Variants in COL25A1 observed in about 807,000 individuals in gnomAD.
COL25A1 encodes collagen alpha-1(XXV) chain.
A neutral mutation model predicts 128.4 loss-of-function variants in COL25A1; 103 were observed. That is an observed-to-expected ratio of 0.80 (90% CI 0.68 to 0.94). The LOEUF is 0.94. Among genes scored for constraint, COL25A1 ranks in the 40% least tolerant of loss-of-function variants. COL25A1 has a pLI of 0.00. For synonymous variants in COL25A1, 279 were observed against 277.2 expected, an observed-to-expected ratio of 1.01 and a Z score of -0.06; for missense variants, 745 against 840.0, an observed-to-expected ratio of 0.89 and a Z score of 1.40.
chr4:109,252,289 G>A (rs35164053), intron 3 of COL25A1, among the ~76,000 whole-genome samples: 9,045 of 152,212 alleles, frequency 0.059, 447 homozygotes, highest in East Asian at 0.23. Flanking sequence ...GCCATATCAG[G>A]GACTAAGTGC....
intron 6 of COL25A1, among the ~76,000 whole-genome samples, chr4:108,984,966 G>A (rs1193743227): frequency 6.6e-6 from 1 of 152,228 alleles, no homozygotes; most frequent in African/African-American, 2.4e-5. Context: ...CACAACACAG[G>A]ATAAGGGTAA....
At chr4:108,967,566 A>T (rs1217200354) in intron 8 of COL25A1, among the ~76,000 whole-genome samples, 1 of 152,144 alleles carries the variant, frequency 6.6e-6, no homozygotes, top group East Asian at 1.9e-4. Flanking sequence ...AATCATAGAT[A>T]GTGGTAGTTA....
chr4:109,213,911 C>T (rs1777784698), intron 3 of COL25A1, among the ~76,000 whole-genome samples: 1 of 152,052 alleles, frequency 6.6e-6, no homozygotes, highest in African/African-American at 2.4e-5. Context: ...TATGATGTGA[C>T]ATGCTATCAC....
At chr4:108,885,299 C>T (rs77923743) in intron 18 of COL25A1, among the ~76,000 whole-genome samples, 3 of 152,140 alleles carry the variant, frequency 2.0e-5, no homozygotes, top group Non-Finnish European at 2.9e-5. Flanking sequence ...TTATGAAGCA[C>T]CATAGTTTGT....
intron 19 of COL25A1, among the ~76,000 whole-genome samples, chr4:108,877,155 G>T (rs146190322): frequency 6.6e-6 from 1 of 152,184 alleles, no homozygotes; most frequent in Non-Finnish European, 1.5e-5. Flanking sequence ...CAGCCAGGGC[G>T]CATTCAGATA....
chr4:109,000,845 A>G lies in COL25A1; in HGVS notation c.438+9513T>C, dbSNP rs532369495. On this transcript the variant is annotated intron_variant, in intron 6 of 37. Transcript: ENST00000399132. Reference sequence around the variant, plus strand: ...TACATTTAGTTAAGGGAGAGTAAAGACTTCTTAATAGAAGAAGCAGCATTC... The same window carrying G: ...TACATTTAGTTAAGGGAGAGTAAAGGCTTCTTAATAGAAGAAGCAGCATTC... Among the ~76,000 whole-genome samples the G allele has an allele frequency of 6.7e-4, 102 of 151,466 alleles. 1 individual carries two copies. Among genetic ancestry groups the G allele is most frequent in the Non-Finnish European group, 2.2e-4 (15 of 67,910 alleles).
At chr4:109,219,953 A>G (rs927783888) in intron 3 of COL25A1, among the ~76,000 whole-genome samples, 1 of 149,636 alleles carries the variant, frequency 6.7e-6, no homozygotes, top group East Asian at 1.9e-4. Context: ...TTTTATTTGT[A>G]TCTGTGCTTA....
At chr4:108,835,754 T>C (rs2125738184) in intron 31 of COL25A1, among the ~76,000 whole-genome samples, 1 of 151,608 alleles carries the variant, frequency 6.6e-6, no homozygotes, top group Non-Finnish European at 1.5e-5. Context: ...GGTTTCATCA[T>C]GTTGGCCAGG....
In COL25A1 at chr4:109,000,743, C is replaced by CAAAAAAAAAAAAAAAAAAAAAAAA. The variant is rs1180104512; in HGVS notation, c.438+9591_438+9614dup. Among the ~76,000 whole-genome samples the CAAAAAAAAAAAAAAAAAAAAAAAA allele has an allele frequency of 1.4e-4, 5 of 36,422 alleles. 1 individual carries two copies. The highest frequency in any genetic ancestry group is 5.3e-4 in the Admixed American group (2 of 3,796). 23.9% of individuals were successfully genotyped at this position (36,422 alleles called of 152,430 possible). ...CCTGGGCAACAGAGTGAGACTCTGT[C>CAAAAAAAAAAAAAAAAAAAAAAAA]AAAAAAAAAAAAAAAAAAAAAAAAA... On this transcript the variant is annotated intron_variant, in intron 6 of 37. Transcript: ENST00000399132.
intron 23 of COL25A1, 60 bp from the exon 24 acceptor site, chr4:108,859,793 G>A: frequency 3.1e-6 from 4 of 1,281,184 alleles, no homozygotes; most frequent in South Asian, 1.2e-5. Flanking sequence ...AGGGTGGACT[G>A]TGGCAGAAAC....
chr4:109,284,752 G>C (rs1234394521), intron 3 of COL25A1, among the ~76,000 whole-genome samples: 2 of 151,798 alleles, frequency 1.3e-5, no homozygotes, highest in African/African-American at 4.8e-5. Flanking sequence ...ATTCTGACAA[G>C]GCCGGATTTA....
chr4:108,852,634 G>A (rs191792605), intron 25 of COL25A1, among the ~76,000 whole-genome samples: 64 of 152,200 alleles, frequency 4.2e-4, no homozygotes, highest in African/African-American at 1.4e-3. Flanking sequence ...CCCCAAAGGC[G>A]TTGATTTCCC....
chr4:109,117,360 T>C (rs1767696185), intron 3 of COL25A1, among the ~76,000 whole-genome samples: 1 of 152,000 alleles, frequency 6.6e-6, no homozygotes, highest in African/African-American at 2.4e-5. Context: ...GAGGGAAATA[T>C]TTAAAGTGTT....
At chr4:109,181,616 AATG>A (rs1774635366) in intron 3 of COL25A1, among the ~76,000 whole-genome samples, 1 of 152,088 alleles carries the variant, frequency 6.6e-6, no homozygotes, top group Admixed American at 6.6e-5. Flanking sequence ...TTGATGTACA[AATG>A]ATGTTTTGAA....
intron 3 of COL25A1, among the ~76,000 whole-genome samples, chr4:109,177,797 G>A (rs1034906597): frequency 2.8e-4 from 42 of 152,340 alleles, no homozygotes; most frequent in African/African-American, 9.9e-4. Context: ...GATTCATTGT[G>A]TAAGTATAGC....
At chr4:108,856,416 A>G (rs1736512134) in intron 24 of COL25A1, among the ~76,000 whole-genome samples, 1 of 152,188 alleles carries the variant, frequency 6.6e-6, no homozygotes, top group Non-Finnish European at 1.5e-5. Context: ...ATTATCCTAG[A>G]GTATTTTTGG....
At chr4:109,141,447 A>G (rs1328923646) in intron 3 of COL25A1, among the ~76,000 whole-genome samples, 1 of 152,178 alleles carries the variant, frequency 6.6e-6, no homozygotes, top group Non-Finnish European at 1.5e-5. Context: ...TGCTGGCATC[A>G]TAGAATTAGT....
At chr4:108,907,456 A>C (rs1005917215) in intron 13 of COL25A1, among the ~76,000 whole-genome samples, 1 of 152,164 alleles carries the variant, frequency 6.6e-6, no homozygotes, top group African/African-American at 2.4e-5. Context: ...TTTTCATGTC[A>C]TCTAAAGTTC....
chr4:108,822,130 G>A (rs980558179), intron 35 of COL25A1, among the ~76,000 whole-genome samples: 1 of 141,846 alleles, frequency 7.0e-6, no homozygotes, highest in African/African-American at 2.7e-5. Flanking sequence ...TGCAACCTCT[G>A]CCTCCTGGGT....
Sources: allele counts gnomAD v4.1 joint callset (sites outside exome capture counted in the v4.1 genomes callset), GRCh38; gene constraint gnomAD v4.1.1; transcripts MANE v1.5; gene names NCBI Gene and HGNC (gene_info 2026-07-23, HGNC 2026-07-21).